Variants in EPHB2 observed in about 807,000 individuals in gnomAD.
EPHB2 encodes the protein ephrin type-B receptor 2.
EPHB2 carries 18 observed loss-of-function variants against 96.4 expected under a neutral mutation model. That is an observed-to-expected ratio of 0.19 (90% CI 0.13 to 0.28). The LOEUF (loss-of-function observed/expected upper bound fraction) is 0.28, where lower values mean the gene tolerates loss of function less well. Ranked by LOEUF, EPHB2 falls within the 10% of genes least tolerant of loss-of-function variation. The pLI is 1.00. For synonymous variants in EPHB2, 506 were observed against 534.1 expected, an observed-to-expected ratio of 0.95 and a Z score of 0.72; for missense variants, 989 against 1,355.4, an observed-to-expected ratio of 0.73 and a Z score of 4.25.
At chr1:22,712,410 A>T (rs1643177997) in intron 1 of EPHB2, among the ~76,000 whole-genome samples, 1 of 152,154 alleles carries the variant, frequency 6.6e-6, no homozygotes, top group African/African-American at 2.4e-5. Flanking sequence ...TGCACCTCTC[A>T]GGCCACTTTA....
chr1:22,914,262 G>T lies in EPHB2; in HGVS notation c.*692G>T. 5.5e-6 allele frequency: 1 copy of T among 180,234 alleles called. No homozygotes were observed. Among genetic ancestry groups the T allele is most frequent in the Non-Finnish European group, 1.2e-5 (1 of 85,182 alleles). 11.2% of individuals were successfully genotyped at this position (180,234 alleles called of 1,614,324 possible). A position where few individuals can be genotyped will look rare whatever the true frequency, so the allele number is the denominator to read the frequency against. On this transcript the variant is annotated 3_prime_UTR_variant, in exon 16 of 16. Transcript: ENST00000374630. ...TCCTCCTGGGTCAGGGAGAACGCGG[G>T]GACCCCAGAAAGGTCAGCCTTCCTG... is the stretch of plus-strand genomic sequence containing the variant.
In EPHB2 at chr1:22,864,867, C is replaced by G; in HGVS notation, c.968-10C>G. ...GCCCCCCACTGACCAACACCTCTCC[C>G]CCGCCCCAGCCATCCCCTCCGCGCC... On this transcript the variant is annotated splice_polypyrimidine_tract_variant and intron_variant, in intron 4 of 15. Coordinates refer to ENST00000374630, the MANE Select transcript of EPHB2 (RefSeq NM_017449.5). 1 of 1,595,910 alleles carries G rather than the reference C, an allele frequency of 6.3e-7. No homozygotes were observed. The highest frequency in any genetic ancestry group is 8.5e-7 in the Non-Finnish European group (1 of 1,170,156).
intron 1 of EPHB2, among the ~76,000 whole-genome samples, chr1:22,755,814 CTAT>C (rs970017181): frequency 4.0e-5 from 6 of 151,772 alleles, no homozygotes; most frequent in Admixed American, 1.3e-4. Flanking sequence ...GCCAGTCATA[CTAT>C]TATTATTATT....
intron 1 of EPHB2, among the ~76,000 whole-genome samples, chr1:22,757,425 A>G (rs1644168298): frequency 6.6e-6 from 1 of 152,222 alleles, no homozygotes; most frequent in South Asian, 2.1e-4. Flanking sequence ...CAGGCATTGT[A>G]GAAGAGAAGC....
intron 5 of EPHB2, among the ~76,000 whole-genome samples, chr1:22,869,990 G>T (rs1015353819): frequency 3.3e-5 from 5 of 152,184 alleles, no homozygotes; most frequent in Admixed American, 2.0e-4. Context: ...TTTGCAGAAG[G>T]GTTCGGAGAA....
At chr1:22,807,349 A>G (rs760653033) in intron 3 of EPHB2, among the ~76,000 whole-genome samples, 4 of 152,184 alleles carry the variant, frequency 2.6e-5, no homozygotes, top group Non-Finnish European at 4.4e-5. Context: ...TCTACACACC[A>G]TCATTCTGAA....
chr1:22,890,743 T>C (rs1370499674), intron 6 of EPHB2, among the ~76,000 whole-genome samples: 3 of 152,214 alleles, frequency 2.0e-5, no homozygotes, highest in Non-Finnish European at 2.9e-5. Flanking sequence ...ACCCCCATGC[T>C]TTTCTCATGA....
intron 3 of EPHB2, among the ~76,000 whole-genome samples, chr1:22,832,299 C>A (rs768046912): frequency 6.6e-6 from 1 of 152,172 alleles, no homozygotes; most frequent in East Asian, 1.9e-4. Context: ...CAAACCAATG[C>A]CACCTCTCAG....
At chr1:22,880,067 TGCAGAGGAAGGACTG>T (rs556957516) in intron 5 of EPHB2, among the ~76,000 whole-genome samples, 1 of 151,592 alleles carries the variant, frequency 6.6e-6, no homozygotes, top group South Asian at 2.1e-4. Context: ...TGTCAAGGGC[TGCAGAGGAAGGACTG>T]GCAGGGAACA....
chr1:22,748,950 C>T (rs1208603374), intron 1 of EPHB2, among the ~76,000 whole-genome samples: 3 of 150,690 alleles, frequency 2.0e-5, no homozygotes, highest in Admixed American at 6.6e-5. Flanking sequence ...GTAGGCTACA[C>T]GTCATGGGCC....
chr1:22,807,539 C>T (rs1410460047), intron 3 of EPHB2, among the ~76,000 whole-genome samples: 2 of 152,170 alleles, frequency 1.3e-5, no homozygotes, highest in African/African-American at 4.8e-5. Context: ...TCAGCTGGTC[C>T]AGCTCCCTCC....
At position 22,912,637 on chromosome 1, in the gene EPHB2, C is replaced by T. The variant is rs775139458; in HGVS notation, c.2852+38C>T. ...CCACTTCTGCTTGTCACCTTAGCAC[C>T]CCCTCTCCACCGGCCCCACCAGCCA... is the stretch of plus-strand genomic sequence containing the variant. On this transcript the variant is annotated intron_variant, in intron 15 of 15. Transcript: ENST00000374630. 1.7e-5 allele frequency: 27 copies of T among 1,609,838 alleles called. 1 individual carries two copies. The South Asian group carries it at 2.7e-4, about 16-fold the overall frequency.
intron 3 of EPHB2, among the ~76,000 whole-genome samples, chr1:22,853,001 G>A (rs1464507388): frequency 6.6e-6 from 1 of 152,232 alleles, no homozygotes; most frequent in Non-Finnish European, 1.5e-5. Flanking sequence ...GAGGATTCCA[G>A]AGGCCTCGAG....
chr1:22,737,236 TC>T (rs1301854117), intron 1 of EPHB2, among the ~76,000 whole-genome samples: 1 of 152,020 alleles, frequency 6.6e-6, no homozygotes, highest in Non-Finnish European at 1.5e-5. Context: ...CTGGACCATC[TC>T]AGTGACTTCT....
intron 7 of EPHB2, 105 bp downstream of exon 7, chr1:22,893,151 A>G: frequency 6.4e-7 from 1 of 1,565,824 alleles, no homozygotes; most frequent in Non-Finnish European, 8.8e-7. Flanking sequence ...TAGAAAAGGC[A>G]CTCCCTTCTA....
intron 9 of EPHB2, among the ~76,000 whole-genome samples, chr1:22,896,776 G>C (rs931313661): frequency 5.9e-5 from 9 of 152,292 alleles, no homozygotes; most frequent in Admixed American, 1.3e-4. Context: ...GGGTTTAGGG[G>C]CTGCATCTGT....
At chr1:22,736,877 TGGGGAGGA>T (rs1239672529) in intron 1 of EPHB2, among the ~76,000 whole-genome samples, 3 of 151,976 alleles carry the variant, frequency 2.0e-5, no homozygotes, top group Non-Finnish European at 4.4e-5. Context: ...CTGTCAGACC[TGGGGAGGA>T]GGGGAGACTG....
At chr1:22,796,744 C>A (rs769485548) in intron 3 of EPHB2, among the ~76,000 whole-genome samples, 1 of 152,200 alleles carries the variant, frequency 6.6e-6, no homozygotes, top group Non-Finnish European at 1.5e-5. Flanking sequence ...TAAGAATACC[C>A]GGAGGAGGCA....
intron 3 of EPHB2, among the ~76,000 whole-genome samples, chr1:22,827,299 T>C (rs1242556181): frequency 6.6e-6 from 1 of 152,224 alleles, no homozygotes; most frequent in Non-Finnish European, 1.5e-5. Context: ...TTGTCTTGCA[T>C]TGAATATATT....
Sources: allele counts gnomAD v4.1 joint callset (sites outside exome capture counted in the v4.1 genomes callset), GRCh38; gene constraint gnomAD v4.1.1; transcripts MANE v1.5; gene names NCBI Gene and HGNC (gene_info 2026-07-23, HGNC 2026-07-21).